The following TEAD4 variants were observed in gnomAD, a reference collection of about 807,000 sequenced individuals.
TEAD4 encodes transcriptional enhancer factor TEF-3.
In TEAD4, 36 loss-of-function variants were observed where a neutral mutation model predicts 52.4. The observed-to-expected ratio is 0.69, with a 90% CI of 0.53 to 0.91. The LOEUF is 0.91. TEAD4 is among the 40% of genes least tolerant of loss of function. The pLI is 0.00. For missense variants in TEAD4, 508 were observed against 583.9 expected, an observed-to-expected ratio of 0.87 and a Z score of 1.34; for synonymous variants, 220 against 231.0, an observed-to-expected ratio of 0.95 and a Z score of 0.43.
chr12:2,968,083 C>CTTTTTTTTTT (rs34430154), intron 2 of TEAD4, among the ~76,000 whole-genome samples: 4 of 111,964 alleles, frequency 3.6e-5, no homozygotes, highest in East Asian at 3.0e-4. Context: ...ACATGTGGGT[C>CTTTTTTTTTT]TTTTTTTTTT....
chr12:3,035,699 A>C (rs1438832946), intron 10 of TEAD4, among the ~76,000 whole-genome samples: 1 of 152,048 alleles, frequency 6.6e-6, no homozygotes, highest in Non-Finnish European at 1.5e-5. Flanking sequence ...ACATGCCTAT[A>C]ATCCTGGCTA....
chr12:3,040,216 A>G lies in TEAD4; in HGVS notation c.1148A>G (p.Lys383Arg). Residue 383 changes from lysine (K) to arginine (R), a missense_variant, in exon 12 of 13, where the codon AAG becomes AGG. Coordinates refer to ENST00000359864, the MANE Select transcript of TEAD4 (RefSeq NM_003213.4). ...CACAAGCTCAAGCACCTCCCTGAGA[A>G]GTACATGATGAACAGCGTGCTGGAG... 6.2e-7 allele frequency: 1 copy of G among 1,614,226 alleles called. No individual in the cohort carries two copies. Among genetic ancestry groups the G allele is most frequent in the Non-Finnish European group, 8.5e-7 (1 of 1,180,036 alleles).
At chr12:2,965,661 C>T (rs750752852) in intron 2 of TEAD4, among the ~76,000 whole-genome samples, 2 of 152,134 alleles carry the variant, frequency 1.3e-5, no homozygotes, top group Non-Finnish European at 2.9e-5. Context: ...ACTCCATTCT[C>T]CTGCCTCAGC....
intron 2 of TEAD4, among the ~76,000 whole-genome samples, chr12:2,982,720 C>T (rs1262863450): frequency 6.6e-6 from 1 of 152,226 alleles, no homozygotes; most frequent in East Asian, 1.9e-4. Flanking sequence ...ATTTCGGTAA[C>T]AAACCCTGTG....
chr12:3,002,769 G>C (rs929144670), intron 3 of TEAD4, among the ~76,000 whole-genome samples: 1 of 152,188 alleles, frequency 6.6e-6, no homozygotes. Flanking sequence ...GACTAGGACA[G>C]ACACCGAGGC....
chr12:3,033,464 A>C (rs10848767), intron 10 of TEAD4, among the ~76,000 whole-genome samples: 97,842 of 152,008 alleles, frequency 0.64, 34,717 homozygotes, highest in East Asian at 0.94. Context: ...TTTGGTGGCC[A>C]TTAACGCCGC....
intron 2 of TEAD4, among the ~76,000 whole-genome samples, chr12:2,986,660 TAAATA>T (rs913494198): frequency 1.3e-5 from 2 of 149,860 alleles, no homozygotes; most frequent in African/African-American, 4.9e-5. Context: ...AAAAAATAAA[TAAATA>T]AAATAGATAT....
chr12:3,035,925 C>T (rs2098279152), intron 10 of TEAD4, among the ~76,000 whole-genome samples: 1 of 152,074 alleles, frequency 6.6e-6, no homozygotes, highest in African/African-American at 2.4e-5. Flanking sequence ...CGGCCAGTCA[C>T]AGCCACAGTT....
At chr12:3,023,485 A>T (rs1469437171) in intron 10 of TEAD4, among the ~76,000 whole-genome samples, 1 of 152,148 alleles carries the variant, frequency 6.6e-6, no homozygotes, top group Non-Finnish European at 1.5e-5. Flanking sequence ...CAGGAGCCTT[A>T]TTTAACGAAA....
Position 3,018,540 on chromosome 12 carries a change from CTCAGT to C in TEAD4, c.484-3_485del. 6.2e-7 allele frequency: 1 copy of C among 1,614,108 alleles called. No individual in the cohort carries two copies. The highest frequency in any genetic ancestry group is 8.5e-7 in the Non-Finnish European group (1 of 1,179,978). On this transcript the variant is annotated splice_acceptor_variant and splice_polypyrimidine_tract_variant and coding_sequence_variant and intron_variant, in exon 7 of 13. Transcript: ENST00000359864. LOFTEE classifies it high-confidence loss of function. ...GTGCTGATTCCATGCCTTTTGCCTCCTCAGTTTTGGCAAGGAGCTTTGCCAGGCCA... is the reference window on the plus strand; with the variant it reads ...GTGCTGATTCCATGCCTTTTGCCTCCTTTGGCAAGGAGCTTTGCCAGGCCA...
chr12:3,010,616 GGGCAGCTCCC>G (rs2098259494), intron 3 of TEAD4, among the ~76,000 whole-genome samples: 1 of 152,214 alleles, frequency 6.6e-6, no homozygotes, highest in South Asian at 2.1e-4. Context: ...GCCGAGGGCC[GGGCAGCTCCC>G]TGGAGCCTCC....
intron 2 of TEAD4, among the ~76,000 whole-genome samples, chr12:2,978,788 G>A (rs778374955): frequency 6.6e-6 from 1 of 152,002 alleles, no homozygotes; most frequent in Admixed American, 6.6e-5. Context: ...CTATGGATTT[G>A]CATATTCTCA....
At chr12:2,969,451 A>G (rs536946735) in intron 2 of TEAD4, among the ~76,000 whole-genome samples, 2 of 152,346 alleles carry the variant, frequency 1.3e-5, no homozygotes, top group East Asian at 1.9e-4. Context: ...ACTACTGTAC[A>G]TAGAGTTTCA....
At chr12:2,993,756 G>A (rs1233680287) in intron 2 of TEAD4, among the ~76,000 whole-genome samples, 5 of 152,168 alleles carry the variant, frequency 3.3e-5, no homozygotes, top group Non-Finnish European at 7.3e-5. Flanking sequence ...GGGAGTATAG[G>A]CATGAGCCAC....
At chr12:2,964,921 G>A (rs1370179265) in intron 2 of TEAD4, among the ~76,000 whole-genome samples, 2 of 152,204 alleles carry the variant, frequency 1.3e-5, no homozygotes, top group Admixed American at 1.3e-4. Context: ...TGTGAGTCAG[G>A]CCACACAAGC....
chr12:2,986,842 A>C (rs554134055), intron 2 of TEAD4, among the ~76,000 whole-genome samples: 50 of 152,268 alleles, frequency 3.3e-4, no homozygotes, highest in African/African-American at 1.2e-3. Context: ...CACGTGAGGA[A>C]TGTGTGGCAC....
intron 10 of TEAD4, 28 bp from the exon 11 acceptor site, chr12:3,037,940 C>G (rs1193803612): frequency 8.7e-6 from 14 of 1,601,284 alleles, no homozygotes; most frequent in Non-Finnish European, 1.2e-5. Context: ...TGCTGACACT[C>G]CCTCGCCTTC....
intron 10 of TEAD4, among the ~76,000 whole-genome samples, chr12:3,028,185 G>A (rs1256244603): frequency 1.3e-5 from 2 of 152,210 alleles, no homozygotes; most frequent in African/African-American, 4.8e-5. Context: ...CAAATGTACG[G>A]AGAGTCCACA....
chr12:3,005,583 G>A (rs1167289029), intron 3 of TEAD4, among the ~76,000 whole-genome samples: 1 of 151,870 alleles, frequency 6.6e-6, no homozygotes, highest in Non-Finnish European at 1.5e-5. Flanking sequence ...TGCAAGCTCT[G>A]CCTCCTGGGT....
Sources: gnomAD v4.1 joint callset for allele counts (sites outside exome capture counted in the v4.1 genomes callset) on GRCh38, gnomAD v4.1.1 for gene constraint, MANE v1.5 for transcripts, NCBI Gene and HGNC (gene_info 2026-07-23, HGNC 2026-07-21) for gene names.